Variants in PEX13 observed in about 807,000 individuals in gnomAD.
The protein encoded by PEX13 is peroxisome biogenesis factor 13.
Under a neutral mutation model 34.5 loss-of-function variants are expected in PEX13, and 28 were observed. The observed-to-expected ratio is 0.81, with a 90% CI of 0.60 to 1.11. The LOEUF is 1.11. PEX13 is among the 50% of genes most tolerant of loss of function. The pLI is 0.00. For synonymous variants in PEX13, 177 were observed against 175.1 expected (o/e 1.01, Z -0.09); for missense variants, 550 against 491.0 (o/e 1.12, Z -1.13).
intron 1 of PEX13, among the ~76,000 whole-genome samples, chr2:61,029,088 G>A (rs191703992): frequency 4.9e-4 from 72 of 145,914 alleles, no homozygotes; most frequent in Non-Finnish European, 4.0e-4. Flanking sequence ...TACTTGAGCT[G>A]TGTTTGCGCT....
chr2:61,022,478 G>T (rs750138885), intron 1 of PEX13, among the ~76,000 whole-genome samples: 4 of 152,238 alleles, frequency 2.6e-5, no homozygotes, highest in African/African-American at 4.8e-5. Flanking sequence ...CAAGATTAGA[G>T]AAAATGTTTA....
At chr2:61,048,069 A>C (rs963821302) in intron 3 of PEX13, among the ~76,000 whole-genome samples, 1 of 152,200 alleles carries the variant, frequency 6.6e-6, no homozygotes, top group Non-Finnish European at 1.5e-5. Flanking sequence ...AGCTGAGTGC[A>C]TTAAAGGTAT....
At chr2:61,023,319 A>G (rs1348842949) in intron 1 of PEX13, among the ~76,000 whole-genome samples, 2 of 151,808 alleles carry the variant, frequency 1.3e-5, no homozygotes, top group Admixed American at 6.6e-5. Flanking sequence ...TCATTTCTTT[A>G]TAGGCAGACT....
intron 2 of PEX13, among the ~76,000 whole-genome samples, chr2:61,043,332 T>TAAAAAAAA (rs36040457): frequency 1.4e-5 from 1 of 73,728 alleles, no homozygotes; most frequent in Non-Finnish European, 2.5e-5. Context: ...CTGTCTCTAC[T>TAAAAAAAA]AAAAAAAAAA....
intron 1 of PEX13, among the ~76,000 whole-genome samples, chr2:61,027,927 G>A (rs1680388376): frequency 1.3e-5 from 2 of 152,224 alleles, no homozygotes; most frequent in South Asian, 4.2e-4. Flanking sequence ...AGTTCTAGTA[G>A]CTTGTTTATA....
At chr2:61,029,139 C>CAAAA (rs539310122) in intron 1 of PEX13, among the ~76,000 whole-genome samples, 1 of 130,432 alleles carries the variant, frequency 7.7e-6, no homozygotes, top group African/African-American at 2.9e-5. Context: ...ACCCTGTCTC[C>CAAAA]AAAAAAAAAA....
intron 1 of PEX13, among the ~76,000 whole-genome samples, chr2:61,026,141 A>G (rs1680350546): frequency 6.6e-6 from 1 of 151,618 alleles, no homozygotes; most frequent in Admixed American, 6.6e-5. Context: ...CTCGTTCTCT[A>G]ATGCTTTAAA....
At chr2:61,033,813 G>A (rs1324323752) in intron 2 of PEX13, among the ~76,000 whole-genome samples, 1 of 152,220 alleles carries the variant, frequency 6.6e-6, no homozygotes, top group African/African-American at 2.4e-5. Context: ...TCATGGGAAC[G>A]GGAAGGAGGC....
chr2:61,031,707 G>A lies in PEX13; in HGVS notation c.381G>A (p.Arg127=), dbSNP rs772627459. ...TTCAGCAAGCTGAAGAAAGCAGCAG[G>A]GGTGCATTTCAGTCCATTGAAAGTA... is the stretch of plus-strand genomic sequence containing the variant. ...RFVQQAEESS[R]GAFQSIESIV... is the part of the protein sequence containing the mutation. The change falls in exon 2 of 4, where the codon AGG becomes AGA. Residue 127 remains arginine, a synonymous_variant. Coordinates refer to ENST00000295030, the MANE Select transcript of PEX13 (RefSeq NM_002618.4). The A allele has an allele frequency of 8.1e-6, 13 of 1,614,034 alleles. No homozygotes were observed. Among genetic ancestry groups the A allele is most frequent in the African/African-American group, 1.3e-5 (1 of 74,916 alleles).
intron 1 of PEX13, among the ~76,000 whole-genome samples, chr2:61,019,968 A>G (rs1680222392): frequency 6.6e-6 from 1 of 152,180 alleles, no homozygotes. Flanking sequence ...TAAATATCTT[A>G]TAATTATCCA....
intron 2 of PEX13, among the ~76,000 whole-genome samples, chr2:61,034,763 A>T (rs1332467304): frequency 6.6e-6 from 1 of 152,248 alleles, no homozygotes. Flanking sequence ...CAGGGCCAGC[A>T]TCTGCCATTG....
intron 1 of PEX13, chr2:61,018,129 T>C: frequency 6.5e-7 from 1 of 1,549,076 alleles, no homozygotes; most frequent in Non-Finnish European, 8.7e-7. Context: ...GGGGGCGGCT[T>C]CCTACCTACC....
chr2:61,044,997 C>A (rs1177985102), intron 2 of PEX13, among the ~76,000 whole-genome samples: 1 of 152,138 alleles, frequency 6.6e-6, no homozygotes, highest in East Asian at 1.9e-4. Flanking sequence ...TGAGGAACTT[C>A]CACTTAATCT....
chr2:61,032,077 T>A lies in PEX13; in HGVS notation c.751T>A (p.Trp251Arg). ...AVILGGPYLI[W>R]KLLSTHSDEV... ...TATCCTTGGTGGTCCTTACCTCATT[T>A]GGAAACTATTGTCTACTCACAGTGA... The change falls in exon 2 of 4, where the codon TGG (tryptophan) becomes AGG (arginine). Residue 251 changes from tryptophan to arginine, a missense_variant. Trp to Arg is a moderately radical substitution (Grantham distance 101). Transcript: ENST00000295030. The A allele has an allele frequency of 6.2e-7, 1 of 1,613,776 alleles. No homozygotes were observed. The highest frequency in any genetic ancestry group is 8.5e-7 in the Non-Finnish European group (1 of 1,179,820).
At chr2:61,030,391 T>G (rs1680431318) in intron 1 of PEX13, among the ~76,000 whole-genome samples, 1 of 152,192 alleles carries the variant, frequency 6.6e-6, no homozygotes, top group Non-Finnish European at 1.5e-5. Context: ...TCTGGTTTCT[T>G]ATTTCAGCTC....
intron 1 of PEX13, chr2:61,019,115 C>T (rs1680190491): frequency 6.6e-6 from 1 of 152,264 alleles, no homozygotes; most frequent in Non-Finnish European, 1.5e-5. Flanking sequence ...TGGTGTTTCG[C>T]ATACCCAGTA....
chr2:61,026,017 C>T (rs1432781492), intron 1 of PEX13, among the ~76,000 whole-genome samples: 1 of 152,126 alleles, frequency 6.6e-6, no homozygotes, highest in Non-Finnish European at 1.5e-5. Context: ...GCTTCTCATC[C>T]TGTCAACCAT....
At chr2:61,040,655 G>A (rs186442698) in intron 2 of PEX13, among the ~76,000 whole-genome samples, 1 of 151,726 alleles carries the variant, frequency 6.6e-6, no homozygotes, top group East Asian at 1.9e-4. Context: ...GTTGATGGGT[G>A]CAGCAAACCA....
intron 1 of PEX13, chr2:61,018,232 G>A (rs1274716294): frequency 6.4e-7 from 1 of 1,551,102 alleles, no homozygotes; most frequent in Middle Eastern, 1.7e-4. Context: ...TCCAGCCACG[G>A]CATCGACAGG....
Sources: allele counts gnomAD v4.1 joint callset (sites outside exome capture counted in the v4.1 genomes callset), GRCh38; gene constraint gnomAD v4.1.1; transcripts MANE v1.5; gene names NCBI Gene and HGNC (gene_info 2026-07-23, HGNC 2026-07-21).